Variants in GLI3 observed in about 807,000 individuals in gnomAD.
GLI3 encodes the protein transcription activator GLI3.
Under a neutral mutation model 100.8 loss-of-function variants are expected in GLI3, and 20 were observed. That is an observed-to-expected ratio of 0.20 (90% CI 0.14 to 0.29). GLI3 has a LOEUF of 0.29. GLI3 is among the 10% of genes least tolerant of loss of function. The pLI is 1.00. For synonymous variants in GLI3, 938 were observed against 860.5 expected (o/e 1.09, Z -1.58); for missense variants, 2,040 against 2,128.5 (o/e 0.96, Z 0.82).
rs547275725 is a variant in GLI3, at chr7:42,219,272, G to A, written c.124+3858C>T. On this transcript the variant is annotated intron_variant, in intron 2 of 14. Coordinates refer to ENST00000395925, the MANE Select transcript of GLI3 (RefSeq NM_000168.6). ...CAGAAAACTAAATGTCATCTCCTTC[G>A]TCATTTACACTTCAAATATAACAAT... 1.6e-4 allele frequency among the ~76,000 whole-genome samples: 25 copies of A among 152,176 alleles called. No individual in the cohort carries two copies. The East Asian group carries it at 2.9e-3, about 18-fold the overall frequency.
At chr7:42,045,073 G>A (rs1288553702) in intron 6 of GLI3, among the ~76,000 whole-genome samples, 1 of 152,164 alleles carries the variant, frequency 6.6e-6, no homozygotes, top group Non-Finnish European at 1.5e-5. Context: ...TTTTTGTAGA[G>A]ATAGATCTCG....
In GLI3 at chr7:41,964,301, C is replaced by A; in HGVS notation, c.*29G>T. ...AATCTCTTCAACTCCTATTGATTTC[C>A]GTTGGTTGCAGTCTTTTTTTCCTAA... On this transcript the variant is annotated 3_prime_UTR_variant, in exon 15 of 15. Transcript: ENST00000395925. 6.2e-7 allele frequency: 1 copy of A among 1,605,222 alleles called. No individual in the cohort carries two copies.
At chr7:42,184,558 G>A (rs1787681106) in intron 2 of GLI3, among the ~76,000 whole-genome samples, 1 of 152,214 alleles carries the variant, frequency 6.6e-6, no homozygotes, top group African/African-American at 2.4e-5. Flanking sequence ...AACAGTGACT[G>A]ATTTTAGGAA....
chr7:42,027,486 G>A (rs1263319062), intron 7 of GLI3, among the ~76,000 whole-genome samples: 1 of 152,146 alleles, frequency 6.6e-6, no homozygotes, highest in Non-Finnish European at 1.5e-5. Flanking sequence ...AATCTGGTGG[G>A]TTAATTACTA....
At chr7:42,230,350 A>G (rs1018761839) in intron 1 of GLI3, among the ~76,000 whole-genome samples, 2 of 152,150 alleles carry the variant, frequency 1.3e-5, no homozygotes, top group African/African-American at 4.8e-5. Flanking sequence ...GATGCTCCTA[A>G]TCACAGATAA....
chr7:42,164,682 T>A (rs1355616026), intron 2 of GLI3, among the ~76,000 whole-genome samples: 4 of 151,560 alleles, frequency 2.6e-5, no homozygotes, highest in Non-Finnish European at 5.9e-5. Context: ...TACAAACAAT[T>A]AGCCGGGCGT....
At chr7:42,090,545 T>C (rs943172933) in intron 3 of GLI3, among the ~76,000 whole-genome samples, 3 of 152,200 alleles carry the variant, frequency 2.0e-5, no homozygotes, top group Non-Finnish European at 2.9e-5. Context: ...AACAACTTTA[T>C]GTGGGTGTCT....
At chr7:42,042,687 C>G (rs1311290814) in intron 6 of GLI3, among the ~76,000 whole-genome samples, 2 of 152,214 alleles carry the variant, frequency 1.3e-5, no homozygotes, top group African/African-American at 2.4e-5. Flanking sequence ...ACTCTCACAT[C>G]CTCCAAAGAG....
intron 3 of GLI3, among the ~76,000 whole-genome samples, chr7:42,097,480 G>A (rs1176564404): frequency 6.6e-6 from 1 of 152,300 alleles, no homozygotes; most frequent in East Asian, 1.9e-4. Context: ...GGAGACGCAG[G>A]TGATGCCTGG....
intron 2 of GLI3, among the ~76,000 whole-genome samples, chr7:42,220,003 G>A (rs990838230): frequency 2.0e-5 from 3 of 151,860 alleles, no homozygotes; most frequent in Non-Finnish European, 4.4e-5. Context: ...ACAGGCACCC[G>A]CCACACGCCC....
chr7:41,979,482 T>C (rs1787599285), intron 10 of GLI3, among the ~76,000 whole-genome samples: 1 of 152,222 alleles, frequency 6.6e-6, no homozygotes, highest in South Asian at 2.1e-4. Flanking sequence ...GTTTTTAACA[T>C]AAAGATGAAG....
intron 2 of GLI3, among the ~76,000 whole-genome samples, chr7:42,206,027 GGAGGCT>G (rs1198135173): frequency 6.6e-6 from 1 of 152,148 alleles, no homozygotes; most frequent in Non-Finnish European, 1.5e-5. Context: ...CAGCACTTTG[GGAGGCT>G]GAGGCTGGTG....
chr7:42,087,695 T>C (rs759724193), intron 3 of GLI3, among the ~76,000 whole-genome samples: 2 of 147,116 alleles, frequency 1.4e-5, no homozygotes, highest in African/African-American at 5.0e-5. Context: ...AGGGGCCCCT[T>C]TGCCCCCACC....
intron 3 of GLI3, among the ~76,000 whole-genome samples, chr7:42,093,922 G>C (rs1785282464): frequency 6.6e-6 from 1 of 152,096 alleles, no homozygotes; most frequent in Admixed American, 6.5e-5. Context: ...TCAGGACTGA[G>C]TGCTAAAGTC....
chr7:42,183,765 C>T (rs1787665044), intron 2 of GLI3, among the ~76,000 whole-genome samples: 1 of 152,144 alleles, frequency 6.6e-6, no homozygotes. Context: ...AGGCTGAGTC[C>T]ATCCACTTCC....
In GLI3 at chr7:42,036,153, C is replaced by A. The variant is rs985047307; in HGVS notation, c.1028+3885G>T. Among the ~76,000 whole-genome samples the A allele has an allele frequency of 1.3e-4, 20 of 152,290 alleles. No homozygotes were observed. The East Asian group carries it at 3.9e-3, about 29-fold the overall frequency. ...TAAATATATAAACAAAAGAACCACA[C>A]ACAAACTTAAAATAGACATTTGCTT... On this transcript the variant is annotated intron_variant, in intron 7 of 14. Coordinates refer to ENST00000395925, the MANE Select transcript of GLI3 (RefSeq NM_000168.6).
chr7:42,058,711 A>G (rs549643088), intron 4 of GLI3, among the ~76,000 whole-genome samples: 2 of 152,344 alleles, frequency 1.3e-5, no homozygotes, highest in African/African-American at 4.8e-5. Flanking sequence ...GAAGCCAAAC[A>G]AATACATGTT....
intron 1 of GLI3, among the ~76,000 whole-genome samples, chr7:42,244,581 T>C (rs1271633848): frequency 1.3e-5 from 2 of 152,166 alleles, no homozygotes; most frequent in African/African-American, 4.8e-5. Context: ...AAGTGGAGAA[T>C]TGAGTAAATT....
At chr7:42,074,888 T>C (rs1161943532) in intron 4 of GLI3, among the ~76,000 whole-genome samples, 1 of 152,132 alleles carries the variant, frequency 6.6e-6, no homozygotes, top group Non-Finnish European at 1.5e-5. Context: ...AGTCAGATGC[T>C]AGTAAAGTAT....
Sources: gnomAD v4.1 joint callset for allele counts (sites outside exome capture counted in the v4.1 genomes callset) on GRCh38, gnomAD v4.1.1 for gene constraint, MANE v1.5 for transcripts, NCBI Gene and HGNC (gene_info 2026-07-23, HGNC 2026-07-21) for gene names.